The following OTUB2 variants were observed in gnomAD, a reference collection of about 807,000 sequenced individuals.
OTUB2 encodes OTU deubiquitinase, ubiquitin aldehyde binding 2, also known as ubiquitin thioesterase OTUB2.
OTUB2 carries 21 observed loss-of-function variants against 25.1 expected under a neutral mutation model. The observed-to-expected ratio is 0.84, with a 90% CI of 0.59 to 1.21. The LOEUF (loss-of-function observed/expected upper bound fraction) is 1.21, where lower values mean the gene tolerates loss of function less well. Ranked by LOEUF, OTUB2 falls within the 50% of genes most tolerant of loss-of-function variation. The pLI, the probability that OTUB2 is intolerant of heterozygous loss-of-function variation, is 0.00. For missense variants in OTUB2, 283 were observed against 298.0 expected (o/e 0.95, Z 0.37); for synonymous variants, 122 against 122.8 (o/e 0.99, Z 0.04).
intron 1 of OTUB2, among the ~76,000 whole-genome samples, chr14:94,033,362 C>A (rs563562759): frequency 6.6e-6 from 1 of 152,150 alleles, no homozygotes; most frequent in African/African-American, 2.4e-5. Context: ...TTAAATATTC[C>A]TCATTTTAAC....
At position 94,044,637 on chromosome 14, in the gene OTUB2, C is replaced by T; in HGVS notation, c.355C>T (p.Leu119=). 1 of 1,614,156 alleles carries T rather than the reference C, an allele frequency of 6.2e-7. No homozygotes were observed. The change falls in exon 5 of 6, where the codon CTG becomes TTG. Residue 119 remains leucine, a synonymous_variant. Coordinates refer to ENST00000203664, the MANE Select transcript of OTUB2 (RefSeq NM_023112.4). ...VEKDGSVSSL[L]KVFNDQSASD... The stretch of plus-strand genomic sequence containing the variant: ...GAAGGATGGCTCAGTGTCCAGCCTG[C>T]TGAAGGTGTTCAACGACCAGAGTGC...
chr14:94,028,044 C>G (rs1884895830), intron 1 of OTUB2, among the ~76,000 whole-genome samples: 1 of 152,262 alleles, frequency 6.6e-6, no homozygotes, highest in Non-Finnish European at 1.5e-5. Context: ...GGTAGCTGCT[C>G]TTTGTGCCAT....
chr14:94,035,270 C>CT (rs1158401713), intron 1 of OTUB2, among the ~76,000 whole-genome samples: 434 of 133,290 alleles, frequency 3.3e-3, no homozygotes, highest in African/African-American at 0.01. Flanking sequence ...TCATCCAGTT[C>CT]TTTTTTTTTT....
intron 1 of OTUB2, among the ~76,000 whole-genome samples, chr14:94,029,334 C>G (rs1308620434): frequency 1.3e-5 from 2 of 152,022 alleles, no homozygotes; most frequent in Non-Finnish European, 2.9e-5. Flanking sequence ...TGTAGAGCAA[C>G]AGAAATGGAT....
intron 1 of OTUB2, among the ~76,000 whole-genome samples, chr14:94,028,123 G>C (rs1269992377): frequency 6.6e-6 from 1 of 152,218 alleles, no homozygotes; most frequent in Non-Finnish European, 1.5e-5. Flanking sequence ...ATGGCAGATG[G>C]GGTCCAAAGC....
intron 1 of OTUB2, among the ~76,000 whole-genome samples, chr14:94,032,023 G>C (rs1411068621): frequency 6.6e-6 from 1 of 152,206 alleles, no homozygotes; most frequent in Non-Finnish European, 1.5e-5. Context: ...TTGAGGGTGT[G>C]CCTGGGGTTC....
Position 94,026,468 on chromosome 14 carries a change from C to G in OTUB2, c.-70C>G, listed in dbSNP as rs565491825. On this transcript the variant is annotated 5_prime_UTR_variant, in exon 1 of 6. Transcript: ENST00000203664. ...GAACCAGCGGCGGAGCCCGCCCGCG[C>G]CTCCCGCGGCATTCCCGCACCGGAT... is the stretch of plus-strand genomic sequence containing the variant. 2 of 1,324,824 alleles carry G rather than the reference C, an allele frequency of 1.5e-6. No homozygotes were observed. The highest frequency in any genetic ancestry group is 3.1e-5 in the African/African-American group (2 of 65,456). 82.1% of individuals were successfully genotyped at this position (1,324,824 alleles called of 1,614,324 possible).
intron 2 of OTUB2, among the ~76,000 whole-genome samples, chr14:94,038,337 G>C (rs1286316790): frequency 6.6e-6 from 1 of 152,212 alleles, no homozygotes; most frequent in Non-Finnish European, 1.5e-5. Context: ...GGGCTCCAGA[G>C]AGTGCCTGCC....
chr14:94,045,263 G>A (rs189351598), intron 5 of OTUB2, among the ~76,000 whole-genome samples: 156 of 152,190 alleles, frequency 1.0e-3, no homozygotes, highest in African/African-American at 3.3e-3. Flanking sequence ...GCTTGCCACC[G>A]CCTCTGCTTC....
chr14:94,034,735 G>A (rs530215254), intron 1 of OTUB2, among the ~76,000 whole-genome samples: 7 of 152,330 alleles, frequency 4.6e-5, no homozygotes, highest in South Asian at 2.1e-4. Context: ...TCAGCCTCAC[G>A]CTCGCAGGAT....
At chr14:94,037,911 G>A (rs1004600809) in intron 2 of OTUB2, among the ~76,000 whole-genome samples, 3 of 152,190 alleles carry the variant, frequency 2.0e-5, no homozygotes, top group Non-Finnish European at 2.9e-5. Flanking sequence ...GAAAGTTTAC[G>A]CCAGTGAGGC....
In OTUB2 at chr14:94,047,985, A is replaced by T. The variant is rs146818636; in HGVS notation, c.*2063A>T. On this transcript the variant is annotated 3_prime_UTR_variant, in exon 6 of 6. Transcript: ENST00000203664. Reference sequence around the variant, plus strand: ...GGCAGAGGAAGGCCAAGTTACTTTCATGGTCTTACCCTCTGCTTTTCCCCT... The same window carrying T: ...GGCAGAGGAAGGCCAAGTTACTTTCTTGGTCTTACCCTCTGCTTTTCCCCT... 6.6e-6 allele frequency: 1 copy of T among 152,190 alleles called. No homozygotes were observed. The highest frequency in any genetic ancestry group is 1.9e-4 in the East Asian group (1 of 5,202). 9.4% of individuals were successfully genotyped at this position (152,190 alleles called of 1,614,324 possible). A position where few individuals can be genotyped will look rare whatever the true frequency, so the allele number is the denominator to read the frequency against.
At chr14:94,044,396 C>T (rs750167224) in intron 4 of OTUB2, among the ~76,000 whole-genome samples, 190 bp from the exon 5 acceptor site, 4 of 152,252 alleles carry the variant, frequency 2.6e-5, no homozygotes, top group Non-Finnish European at 5.9e-5. Context: ...AGTGTACAAA[C>T]TGCAAAGTCT....
Position 94,045,732 on chromosome 14 carries a change from C to A in OTUB2, c.515C>A (p.Ala172Asp), listed in dbSNP as rs1885260743. 1.2e-6 allele frequency: 2 copies of A among 1,614,124 alleles called. No homozygotes were observed. Among genetic ancestry groups the A allele is most frequent in the African/African-American group, 1.3e-5 (1 of 75,034 alleles). ...CCCCTGCAGGAAGTAGAGCCCATGG[C>A]CACGGAGTGTGACCACATCCAGATC... ...DFCTHEVEPM[A>D]TECDHIQITA... The change falls in exon 6 of 6, where the codon GCC becomes GAC. Residue 172 changes from alanine to aspartate, a missense_variant. Physicochemically the swap from Ala to Asp is moderately radical, Grantham distance 126. Coordinates refer to ENST00000203664, the MANE Select transcript of OTUB2 (RefSeq NM_023112.4).
rs1885269436 is a variant in OTUB2 at position 94,046,005 on chromosome 14, G to T, written c.*83G>T. ...ACATTCCGGCTCTTCAATTTTTTAAGCAATTTAGACTGTAGCAAGAAAATG... is the reference window on the plus strand; with the variant it reads ...ACATTCCGGCTCTTCAATTTTTTAATCAATTTAGACTGTAGCAAGAAAATG... On this transcript the variant is annotated 3_prime_UTR_variant, in exon 6 of 6. Transcript: ENST00000203664. 6.8e-7 allele frequency: 1 copy of T among 1,474,962 alleles called. No homozygotes were observed. The highest frequency in any genetic ancestry group is 9.3e-7 in the Non-Finnish European group (1 of 1,073,106). 91.4% of individuals were successfully genotyped at this position (1,474,962 alleles called of 1,614,324 possible).
chr14:94,037,502 A>G, intron 2 of OTUB2, 27 bp downstream of exon 2: 1 of 1,511,334 alleles, frequency 6.6e-7, no homozygotes, highest in Non-Finnish European at 9.2e-7. Context: ...GGAGAAGAGC[A>G]TCCGAAACTA....
chr14:94,028,355 G>T (rs1312904434), intron 1 of OTUB2, among the ~76,000 whole-genome samples: 1 of 152,234 alleles, frequency 6.6e-6, no homozygotes, highest in Non-Finnish European at 1.5e-5. Flanking sequence ...GTGGATGGTG[G>T]TGACAGAAGG....
At position 94,048,460 on chromosome 14, in the gene OTUB2, A is replaced by G. The variant is rs1885322548; in HGVS notation, c.*2538A>G. The G allele has an allele frequency of 1.3e-5, 2 of 152,226 alleles. No homozygotes were observed. Among genetic ancestry groups the G allele is most frequent in the South Asian group, 4.1e-4 (2 of 4,828 alleles). The allele number at this position is 152,226 out of a possible 1,614,324, so 9.4% of individuals were successfully genotyped here. ...TGCCAGGGTTCTAACTTCAGCATTC[A>G]CTTACTAGCTGTATGATCTTGGCCA... On this transcript the variant is annotated 3_prime_UTR_variant, in exon 6 of 6. Transcript: ENST00000203664.
chr14:94,030,829 C>T (rs1884949513), intron 1 of OTUB2, among the ~76,000 whole-genome samples: 2 of 148,050 alleles, frequency 1.4e-5, no homozygotes, highest in Non-Finnish European at 3.0e-5. Context: ...AGGGTGGGGG[C>T]CGGTGTGTAA....
Sources: allele counts gnomAD v4.1 joint callset (sites outside exome capture counted in the v4.1 genomes callset), GRCh38; gene constraint gnomAD v4.1.1; transcripts MANE v1.5; gene names NCBI Gene and HGNC (gene_info 2026-07-23, HGNC 2026-07-21).